Variants in EPB41L5 observed in about 807,000 individuals in gnomAD.
The protein encoded by EPB41L5 is erythrocyte membrane protein band 4.1 like 5.
EPB41L5 carries 55 observed loss-of-function variants against 106.6 expected under a neutral mutation model. The ratio of observed to expected loss-of-function variants is 0.52; its 90% CI spans 0.42 to 0.65. The LOEUF (loss-of-function observed/expected upper bound fraction) is 0.65. Among genes scored for constraint, EPB41L5 ranks in the 30% least tolerant of loss-of-function variants. The probability of loss-of-function intolerance (pLI) is 0.00; values close to 1 mark genes in which losing one functional copy is unlikely to be tolerated. For missense variants in EPB41L5, 871 were observed against 882.1 expected, an observed-to-expected ratio of 0.99 and a Z score of 0.16; for synonymous variants, 297 against 306.7, an observed-to-expected ratio of 0.97 and a Z score of 0.33.
intron 16 of EPB41L5, among the ~76,000 whole-genome samples, chr2:120,115,448 A>C (rs891083630): frequency 9.9e-5 from 15 of 152,212 alleles, no homozygotes; most frequent in Admixed American, 7.8e-4. Context: ...TCTGTCACCC[A>C]GCCGGGAGTG....
chr2:120,124,758 T>C (rs1198510340), intron 16 of EPB41L5, among the ~76,000 whole-genome samples: 1 of 152,186 alleles, frequency 6.6e-6, no homozygotes, highest in Non-Finnish European at 1.5e-5. Context: ...TCATGAACAG[T>C]TCCCCCAGCC....
chr2:120,167,243 C>G (rs1291556457), intron 22 of EPB41L5, among the ~76,000 whole-genome samples: 2 of 152,096 alleles, frequency 1.3e-5, no homozygotes, highest in African/African-American at 2.4e-5. Flanking sequence ...ATAAGAGATT[C>G]TCAAAATTAT....
At chr2:120,106,549 T>TTA in intron 16 of EPB41L5, 1 of 985,422 alleles carries the variant, frequency 1.0e-6, no homozygotes, top group African/African-American at 1.7e-5. Context: ...CAGAAGCACC[T>TTA]TACTGGGTCA....
intron 20 of EPB41L5, among the ~76,000 whole-genome samples, chr2:120,158,932 C>G (rs1687016089): frequency 6.6e-6 from 1 of 152,102 alleles, no homozygotes; most frequent in South Asian, 2.1e-4. Flanking sequence ...ACTAGCATTC[C>G]TATACACCAA....
chr2:120,062,895 A>T (rs1681178782), intron 3 of EPB41L5, among the ~76,000 whole-genome samples: 1 of 152,186 alleles, frequency 6.6e-6, no homozygotes, highest in Non-Finnish European at 1.5e-5. Flanking sequence ...AAAAATAGTG[A>T]TGAGGAGTGT....
At chr2:120,109,501 G>T (rs1165636668) in intron 16 of EPB41L5, among the ~76,000 whole-genome samples, 2 of 152,130 alleles carry the variant, frequency 1.3e-5, no homozygotes, top group African/African-American at 4.8e-5. Context: ...ACCTGCATTT[G>T]GGAATTTGTT....
At chr2:120,113,213 G>A (rs936494049) in intron 16 of EPB41L5, among the ~76,000 whole-genome samples, 2 of 152,144 alleles carry the variant, frequency 1.3e-5, no homozygotes, top group Admixed American at 6.5e-5. Flanking sequence ...TCCCATTTTT[G>A]TGAAAGCAAC....
intron 24 of EPB41L5, among the ~76,000 whole-genome samples, chr2:120,172,029 C>A (rs200679404): frequency 1.3e-5 from 2 of 148,444 alleles, no homozygotes; most frequent in African/African-American, 2.5e-5. Flanking sequence ...AAAAGGAAAA[C>A]AAGCATTTTT....
chr2:120,062,024 T>A (rs1681119161), intron 3 of EPB41L5, among the ~76,000 whole-genome samples: 2 of 152,168 alleles, frequency 1.3e-5, no homozygotes, highest in Non-Finnish European at 2.9e-5. Flanking sequence ...CCTAGATTAA[T>A]AATATAAGCA....
intron 16 of EPB41L5, chr2:120,104,560 A>T: frequency 9.9e-7 from 1 of 1,009,906 alleles, no homozygotes; most frequent in Non-Finnish European, 1.2e-6. Context: ...GTTTGTGAAC[A>T]AGGTGCCCAT....
intron 16 of EPB41L5, chr2:120,105,327 T>G (rs1684387041): frequency 3.1e-6 from 3 of 959,596 alleles, no homozygotes; most frequent in Non-Finnish European, 3.7e-6. Flanking sequence ...TAGAAATTTA[T>G]AGATATTTTA....
chr2:120,168,423 C>T (rs1687515023), intron 24 of EPB41L5, among the ~76,000 whole-genome samples: 1 of 152,128 alleles, frequency 6.6e-6, no homozygotes, highest in East Asian at 1.9e-4. Flanking sequence ...CCTGAGATGC[C>T]TTTACCAATA....
intron 20 of EPB41L5, among the ~76,000 whole-genome samples, chr2:120,154,095 G>A (rs1031612758): frequency 7.1e-6 from 1 of 140,484 alleles, no homozygotes; most frequent in African/African-American, 2.6e-5. Context: ...TTTGTTTAAC[G>A]TTTTTTTTTT....
At chr2:120,064,122 TTGAAG>T (rs1281424746) in intron 3 of EPB41L5, among the ~76,000 whole-genome samples, 2 of 152,182 alleles carry the variant, frequency 1.3e-5, no homozygotes, top group African/African-American at 2.4e-5. Context: ...CTAGATCAAA[TTGAAG>T]TGTTTTCAGT....
intron 10 of EPB41L5, among the ~76,000 whole-genome samples, chr2:120,082,827 G>A (rs4848571): frequency 0.63 from 96,226 of 151,870 alleles, 31,896 homozygotes; most frequent in Middle Eastern, 0.74. Flanking sequence ...TCCTGGTTTA[G>A]TCTTGGGAGG....
chr2:120,064,853 G>T (rs899647594), intron 3 of EPB41L5, among the ~76,000 whole-genome samples: 4 of 152,036 alleles, frequency 2.6e-5, no homozygotes, highest in Non-Finnish European at 5.9e-5. Context: ...TCCAGGCCTC[G>T]GTCTTGGAAT....
At chr2:120,141,762 A>G (rs967409269) in intron 18 of EPB41L5, among the ~76,000 whole-genome samples, 1 of 152,130 alleles carries the variant, frequency 6.6e-6, no homozygotes. Flanking sequence ...GAGCATGTTA[A>G]CCATCTTTAG....
At chr2:120,053,248 G>A (rs900682066) in intron 3 of EPB41L5, among the ~76,000 whole-genome samples, 7 of 152,124 alleles carry the variant, frequency 4.6e-5, no homozygotes, top group Non-Finnish European at 1.5e-5. Context: ...TTTGGAGTAG[G>A]AAGCTTAAAG....
chr2:120,087,821 TCTACC>T (rs1278639321), intron 11 of EPB41L5, among the ~76,000 whole-genome samples: 12 of 84,762 alleles, frequency 1.4e-4, no homozygotes, highest in Admixed American at 1.3e-3. Context: ...ATCAAAAAGA[TCTACC>T]TAATAATAAT....
Sources: gnomAD v4.1 joint callset for allele counts (sites outside exome capture counted in the v4.1 genomes callset) on GRCh38, gnomAD v4.1.1 for gene constraint, MANE v1.5 for transcripts, NCBI Gene and HGNC (gene_info 2026-07-23, HGNC 2026-07-21) for gene names.